Variants in HDAC9 observed in about 807,000 individuals in gnomAD.
The protein encoded by HDAC9 is MEF-2 interacting transcription repressor (MITR) protein.
Under a neutral mutation model 139.4 loss-of-function variants are expected in HDAC9, and 41 were observed. The ratio of observed to expected loss-of-function variants is 0.29; its 90% CI spans 0.23 to 0.38. The LOEUF (loss-of-function observed/expected upper bound fraction) is 0.38. HDAC9 is among the 10% of genes least tolerant of loss of function. HDAC9 has a pLI of 1.00. For missense variants in HDAC9, 1,147 were observed against 1,297.0 expected (o/e 0.88, Z 1.78); for synonymous variants, 517 against 476.2 (o/e 1.09, Z -1.12).
chr7:18,393,866 C>T (rs938903524), intron 1 of HDAC9, among the ~76,000 whole-genome samples: 5 of 152,140 alleles, frequency 3.3e-5, no homozygotes, highest in African/African-American at 7.2e-5. Context: ...AAGCCACGCA[C>T]GGAACAATGG....
chr7:18,627,525 A>T (rs906747285), intron 6 of HDAC9, among the ~76,000 whole-genome samples: 9 of 152,222 alleles, frequency 5.9e-5, no homozygotes, highest in African/African-American at 2.2e-4. Flanking sequence ...ACATGAAAAC[A>T]TATCTAAGTA....
chr7:18,933,094 C>A (rs538420362), intron 22 of HDAC9, among the ~76,000 whole-genome samples: 2 of 152,108 alleles, frequency 1.3e-5, no homozygotes, highest in South Asian at 2.1e-4. Context: ...CATATTCAAC[C>A]CCAGTGTCTT....
intron 1 of HDAC9, among the ~76,000 whole-genome samples, chr7:18,136,270 G>C (rs1162292048): frequency 6.6e-6 from 1 of 151,154 alleles, no homozygotes; most frequent in African/African-American, 2.4e-5. Context: ...TCACTCTGAT[G>C]GTAGTTTCTT....
chr7:18,963,253 G>A (rs1460047423), intron 24 of HDAC9, among the ~76,000 whole-genome samples: 1 of 152,134 alleles, frequency 6.6e-6, no homozygotes, highest in Admixed American at 6.6e-5. Flanking sequence ...GTGCTATAAT[G>A]CACAAGAAAT....
chr7:18,474,581 G>A (rs565885477), intron 1 of HDAC9, among the ~76,000 whole-genome samples: 14 of 152,100 alleles, frequency 9.2e-5, no homozygotes, highest in Non-Finnish European at 1.9e-4. Flanking sequence ...CAAATTTTAA[G>A]AAGATTTTAT....
chr7:18,254,281 G>A (rs1795100274), intron 2 of HDAC9, among the ~76,000 whole-genome samples: 2 of 152,286 alleles, frequency 1.3e-5, no homozygotes, highest in South Asian at 4.1e-4. Flanking sequence ...AGTGTAAAGA[G>A]TTACCTATCT....
At chr7:18,822,962 A>T (rs1795100439) in intron 17 of HDAC9, among the ~76,000 whole-genome samples, 2 of 152,230 alleles carry the variant, frequency 1.3e-5, no homozygotes, top group Non-Finnish European at 2.9e-5. Context: ...CTATAACATT[A>T]TGATATAATA....
intron 23 of HDAC9, among the ~76,000 whole-genome samples, chr7:18,951,242 G>A (rs962956210): frequency 2.0e-5 from 3 of 151,952 alleles, no homozygotes; most frequent in Non-Finnish European, 4.4e-5. Flanking sequence ...TACTTAGAAT[G>A]TATATGGTAT....
intron 2 of HDAC9, among the ~76,000 whole-genome samples, chr7:18,243,357 G>T (rs189240278): frequency 6.6e-6 from 1 of 152,230 alleles, no homozygotes; most frequent in Non-Finnish European, 1.5e-5. Context: ...GGCTTGGATT[G>T]TGTCTTCCTC....
intron 1 of HDAC9, among the ~76,000 whole-genome samples, chr7:18,426,658 G>A (rs892864780): frequency 2.6e-5 from 4 of 152,106 alleles, no homozygotes; most frequent in African/African-American, 7.2e-5. Flanking sequence ...ACACCATCTT[G>A]AAATTGCTTT....
At chr7:18,567,469 C>T (rs906051813) in intron 2 of HDAC9, among the ~76,000 whole-genome samples, 4 of 151,994 alleles carry the variant, frequency 2.6e-5, no homozygotes, top group Non-Finnish European at 5.9e-5. Flanking sequence ...TTTTTAAAAG[C>T]TTGAACTTAA....
chr7:18,476,604 A>G (rs1795129191), intron 1 of HDAC9, among the ~76,000 whole-genome samples: 2 of 152,128 alleles, frequency 1.3e-5, no homozygotes, highest in Admixed American at 6.6e-5. Flanking sequence ...TAAGGCCTGA[A>G]GCATTAGTAT....
intron 2 of HDAC9, among the ~76,000 whole-genome samples, chr7:18,195,854 T>A (rs1790693306): frequency 6.6e-6 from 1 of 152,168 alleles, no homozygotes; most frequent in South Asian, 2.1e-4. Flanking sequence ...ACATATATTA[T>A]GTTCATCATC....
intron 17 of HDAC9, among the ~76,000 whole-genome samples, chr7:18,802,196 G>A (rs1793357843): frequency 6.6e-6 from 1 of 151,612 alleles, no homozygotes; most frequent in African/African-American, 2.4e-5. Flanking sequence ...TGAGTTACAT[G>A]CTGTTTTCTA....
intron 2 of HDAC9, among the ~76,000 whole-genome samples, chr7:18,253,685 AG>A (rs1795067249): frequency 1.3e-5 from 2 of 152,202 alleles, no homozygotes; most frequent in Non-Finnish European, 2.9e-5. Context: ...ATTCGTGGTA[AG>A]GGGACAGGTG....
intron 1 of HDAC9, among the ~76,000 whole-genome samples, chr7:18,124,387 TC>T (rs1450974545): frequency 2.6e-5 from 4 of 152,212 alleles, no homozygotes; most frequent in Non-Finnish European, 4.4e-5. Flanking sequence ...GACTCCAGTT[TC>T]TATAAAACAA....
chr7:18,099,923 G>A (rs1421892993), intron 1 of HDAC9, among the ~76,000 whole-genome samples: 1 of 152,044 alleles, frequency 6.6e-6, no homozygotes, highest in Non-Finnish European at 1.5e-5. Context: ...TACCATTTCA[G>A]TGCTCTTTAT....
chr7:18,837,864 G>T lies in HDAC9; in HGVS notation c.2684+1867G>T, dbSNP rs1227856691. 3.3e-5 allele frequency among the ~76,000 whole-genome samples: 5 copies of T among 152,044 alleles called. No individual in the cohort carries two copies. In the South Asian group the frequency reaches 1.0e-3, roughly 31 times the overall value. ...AATGAATGAAGTACTCCTGAATGGG[G>T]TTGACGATTCTCAGAATGGCGCCTT... On this transcript the variant is annotated intron_variant, in intron 21 of 25. Coordinates refer to ENST00000686413, the MANE Select transcript of HDAC9 (RefSeq NM_178425.4).
At chr7:18,132,567 C>T (rs142481962) in intron 1 of HDAC9, among the ~76,000 whole-genome samples, 270 of 152,192 alleles carry the variant, frequency 1.8e-3, no homozygotes, top group African/African-American at 6.1e-3. Context: ...TACTACCACA[C>T]CTGGCTTTGA....
Sources: gnomAD v4.1 joint callset for allele counts (sites outside exome capture counted in the v4.1 genomes callset) on GRCh38, gnomAD v4.1.1 for gene constraint, MANE v1.5 for transcripts, NCBI Gene and HGNC (gene_info 2026-07-23, HGNC 2026-07-21) for gene names.